Variants in MACROD2 observed in about 807,000 individuals in gnomAD.
MACROD2 encodes ADP-ribose glycohydrolase MACROD2.
MACROD2 carries 36 observed loss-of-function variants against 70.4 expected under a neutral mutation model. That is an observed-to-expected ratio of 0.51 (90% confidence interval 0.39 to 0.68). The LOEUF is 0.68. Ranked by LOEUF, MACROD2 falls within the 30% of genes least tolerant of loss-of-function variation. The probability of loss-of-function intolerance (pLI) is 0.00; values close to 1 mark genes in which losing one functional copy is unlikely to be tolerated. For missense variants in MACROD2, 496 were observed against 538.4 expected (o/e 0.92, Z 0.78); for synonymous variants, 172 against 178.8 (o/e 0.96, Z 0.30).
At chr20:15,143,807 T>C (rs963926096) in intron 5 of MACROD2, among the ~76,000 whole-genome samples, 19 of 152,098 alleles carry the variant, frequency 1.2e-4, no homozygotes, top group Admixed American at 3.9e-4. Flanking sequence ...ATATTCTCGA[T>C]TCACAATAAG....
chr20:14,100,408 G>A (rs759522267), intron 3 of MACROD2, among the ~76,000 whole-genome samples: 34 of 150,322 alleles, frequency 2.3e-4, no homozygotes, highest in Middle Eastern at 4.5e-3. Context: ...AATAAGATTC[G>A]TCTAATTTCT....
chr20:14,212,387 G>A (rs1402120032), intron 3 of MACROD2, among the ~76,000 whole-genome samples: 1 of 152,160 alleles, frequency 6.6e-6, no homozygotes, highest in Admixed American at 6.5e-5. Flanking sequence ...GCAGCAGCAA[G>A]ATTAGACCTT....
chr20:15,042,487 G>A (rs372061783), intron 5 of MACROD2, among the ~76,000 whole-genome samples: 6 of 152,244 alleles, frequency 3.9e-5, no homozygotes, highest in African/African-American at 1.2e-4. Flanking sequence ...CCTGACTCTC[G>A]CCCCTTATAG....
intron 8 of MACROD2, among the ~76,000 whole-genome samples, chr20:15,541,595 C>T (rs2047956608): frequency 6.6e-6 from 1 of 152,136 alleles, no homozygotes; most frequent in Admixed American, 6.6e-5. Flanking sequence ...ATTGAGGTTT[C>T]ACCTAACAGT....
chr20:14,111,427 C>G (rs951922188), intron 3 of MACROD2, among the ~76,000 whole-genome samples: 6 of 151,944 alleles, frequency 3.9e-5, no homozygotes, highest in African/African-American at 1.4e-4. Context: ...AGACAGCCCA[C>G]AGAATGGGTG....
At chr20:14,505,809 A>T (rs532312226) in intron 4 of MACROD2, among the ~76,000 whole-genome samples, 132 of 152,352 alleles carry the variant, frequency 8.7e-4, no homozygotes, top group Non-Finnish European at 1.6e-3. Context: ...AGGTTATGGC[A>T]GAGTGAGGAG....
chr20:14,727,457 C>G (rs1432704260), intron 5 of MACROD2, among the ~76,000 whole-genome samples: 6 of 151,890 alleles, frequency 4.0e-5, no homozygotes, highest in Non-Finnish European at 8.8e-5. Flanking sequence ...ATCATTTGAG[C>G]CTGGGAGGTT....
intron 5 of MACROD2, among the ~76,000 whole-genome samples, chr20:15,203,910 A>C (rs2076678836): frequency 6.6e-6 from 1 of 152,056 alleles, no homozygotes; most frequent in Non-Finnish European, 1.5e-5. Context: ...ATAGATATTC[A>C]TTGATTCTGA....
At chr20:14,597,600 G>C (rs985975876) in intron 4 of MACROD2, among the ~76,000 whole-genome samples, 39 of 152,210 alleles carry the variant, frequency 2.6e-4, no homozygotes, top group African/African-American at 8.7e-4. Flanking sequence ...AATAGAGGAG[G>C]CTAGTTGGCT....
chr20:14,464,471 T>G (rs2084413902), intron 3 of MACROD2, among the ~76,000 whole-genome samples: 1 of 152,022 alleles, frequency 6.6e-6, no homozygotes, highest in Non-Finnish European at 1.5e-5. Context: ...TTTGTTGATC[T>G]TTTCAAAAAA....
chr20:14,716,042 C>A (rs142282563), intron 5 of MACROD2, among the ~76,000 whole-genome samples: 3 of 152,138 alleles, frequency 2.0e-5, no homozygotes, highest in African/African-American at 4.8e-5. Context: ...GCTCTCTGAA[C>A]GCTACATATT....
At chr20:15,113,790 G>C (rs1568580655) in intron 5 of MACROD2, among the ~76,000 whole-genome samples, 1 of 150,876 alleles carries the variant, frequency 6.6e-6, no homozygotes, top group African/African-American at 2.5e-5. Context: ...GTGTGTGTGT[G>C]TGTGTGTGTG....
intron 5 of MACROD2, among the ~76,000 whole-genome samples, chr20:14,813,607 G>A (rs941246549): frequency 4.6e-5 from 7 of 151,898 alleles, no homozygotes; most frequent in African/African-American, 1.7e-4. Flanking sequence ...TATTTTAAAG[G>A]ATACAAATAA....
chr20:14,701,553 A>G (rs181953824), intron 5 of MACROD2, among the ~76,000 whole-genome samples: 91 of 152,312 alleles, frequency 6.0e-4, no homozygotes, highest in African/African-American at 1.9e-3. Context: ...ACTGCACAGT[A>G]AATGACATTA....
At chr20:15,142,633 G>T (rs2145848920) in intron 5 of MACROD2, among the ~76,000 whole-genome samples, 1 of 151,984 alleles carries the variant, frequency 6.6e-6, no homozygotes, top group Middle Eastern at 3.4e-3. Flanking sequence ...TTTACATTAG[G>T]TGTATCTCCT....
At position 14,745,327 on chromosome 20, in the gene MACROD2, A is replaced by G. The variant is rs147339427; in HGVS notation, c.418+60368A>G. Reference sequence around the variant, plus strand: ...AGAATGTACTTCTTGCTAAATGTCTATATTTGTATAGGCCTATATGAGTAT... The same window carrying G: ...AGAATGTACTTCTTGCTAAATGTCTGTATTTGTATAGGCCTATATGAGTAT... On this transcript the variant is annotated intron_variant, in intron 5 of 17. Transcript: ENST00000684519. Among the ~76,000 whole-genome samples, 8 of 152,136 alleles carry G rather than the reference A, an allele frequency of 5.3e-5. 1 individual carries two copies. Among genetic ancestry groups the G allele is most frequent in the East Asian group, 3.9e-4 (2 of 5,184 alleles).
chr20:14,816,827 A>G (rs1226578875), intron 5 of MACROD2, among the ~76,000 whole-genome samples: 1 of 151,998 alleles, frequency 6.6e-6, no homozygotes, highest in African/African-American at 2.4e-5. Flanking sequence ...TCATTCTATT[A>G]TGTCTTCTGA....
intron 8 of MACROD2, among the ~76,000 whole-genome samples, chr20:15,780,296 TA>T (rs1461059832): frequency 4.0e-5 from 6 of 151,782 alleles, no homozygotes; most frequent in Non-Finnish European, 4.4e-5. Context: ...CATGAGAGAA[TA>T]GACTAAGAAT....
Position 15,919,903 on chromosome 20 carries a change from A to G in MACROD2, c.776-13373A>G, listed in dbSNP as rs372662040. Among the ~76,000 whole-genome samples the G allele has an allele frequency of 1.8e-4, 28 of 152,340 alleles. No individual in the cohort carries two copies. In the East Asian group the frequency reaches 5.4e-3, roughly 29 times the overall value. ...ATTCAAAGTGGAGTAAGACCCCAGT[A>G]AGACTTTTTGGAATAGATCTAATGA... is the stretch of plus-strand genomic sequence containing the variant. On this transcript the variant is annotated intron_variant, in intron 10 of 17. Transcript: ENST00000684519.
Sources: allele counts gnomAD v4.1 joint callset (sites outside exome capture counted in the v4.1 genomes callset), GRCh38; gene constraint gnomAD v4.1.1; transcripts MANE v1.5; gene names NCBI Gene and HGNC (gene_info 2026-07-23, HGNC 2026-07-21).